CCSER1: variants seen among roughly 807,000 people sequenced by gnomAD.
CCSER1 encodes the protein coiled-coil serine rich protein 1, also known as serine-rich coiled-coil domain-containing protein 1.
A neutral mutation model predicts 82.0 loss-of-function variants in CCSER1; 41 were observed. The ratio of observed to expected loss-of-function variants is 0.50; its 90% CI spans 0.39 to 0.65. CCSER1 has a LOEUF of 0.65. CCSER1 is among the 30% of genes least tolerant of loss of function. The pLI is 0.00. For missense variants in CCSER1, 1,119 were observed against 1,064.2 expected (o/e 1.05, Z -0.72); for synonymous variants, 414 against 383.9 (o/e 1.08, Z -0.92).
chr4:90,284,791 C>G (rs1339500351), intron 1 of CCSER1, among the ~76,000 whole-genome samples: 7 of 151,892 alleles, frequency 4.6e-5, no homozygotes, highest in African/African-American at 1.7e-4. Flanking sequence ...CTGTGCCTGG[C>G]CTTGAGTTGA....
chr4:90,866,834 G>A (rs1342671005), intron 8 of CCSER1, among the ~76,000 whole-genome samples: 1 of 151,978 alleles, frequency 6.6e-6, no homozygotes, highest in Non-Finnish European at 1.5e-5. Flanking sequence ...TCAGGCATTA[G>A]ATTCTCATAA....
intron 8 of CCSER1, among the ~76,000 whole-genome samples, chr4:90,863,109 T>C (rs374029658): frequency 3.3e-5 from 5 of 150,474 alleles, no homozygotes; most frequent in South Asian, 4.2e-4. Flanking sequence ...CCCACAACAG[T>C]CCCCAGAGTG....
intron 6 of CCSER1, among the ~76,000 whole-genome samples, chr4:90,670,363 G>T (rs1567930): frequency 1.3e-5 from 2 of 151,826 alleles, no homozygotes; most frequent in African/African-American, 2.4e-5. Context: ...GAAAGTTCAG[G>T]GGAATTCACT....
intron 10 of CCSER1, among the ~76,000 whole-genome samples, chr4:91,576,328 A>G (rs1042386027): frequency 2.0e-5 from 3 of 152,130 alleles, no homozygotes; most frequent in East Asian, 1.9e-4. Context: ...AATATCATCT[A>G]TATGTAAAAT....
chr4:90,990,701 A>G (rs542882270), intron 9 of CCSER1, among the ~76,000 whole-genome samples: 3 of 151,914 alleles, frequency 2.0e-5, no homozygotes, highest in Non-Finnish European at 4.4e-5. Context: ...AGTACAATAC[A>G]TTCCCTGGGT....
intron 5 of CCSER1, among the ~76,000 whole-genome samples, chr4:90,539,115 A>G (rs1245947213): frequency 6.6e-6 from 1 of 152,074 alleles, no homozygotes; most frequent in African/African-American, 2.4e-5. Flanking sequence ...AAAGGTACGT[A>G]AACTTATTAT....
intron 9 of CCSER1, among the ~76,000 whole-genome samples, chr4:91,004,924 C>T (rs147927049): frequency 8.7e-4 from 132 of 152,194 alleles, no homozygotes; most frequent in Non-Finnish European, 1.6e-3. Flanking sequence ...CAGGTCTTGC[C>T]TCTAAGACCT....
intron 10 of CCSER1, among the ~76,000 whole-genome samples, chr4:91,152,850 ACT>A (rs1050876987): frequency 1.1e-4 from 16 of 151,614 alleles, no homozygotes; most frequent in African/African-American, 3.6e-4. Flanking sequence ...ATTAGCCCCC[ACT>A]CTCTTCTGGC....
At chr4:90,450,096 A>G (rs140754110) in intron 4 of CCSER1, among the ~76,000 whole-genome samples, 1 of 152,202 alleles carries the variant, frequency 6.6e-6, no homozygotes, top group African/African-American at 2.4e-5. Flanking sequence ...TCGTGCTGAC[A>G]AGGGACATTG....
At chr4:91,353,763 A>G (rs1409893418) in intron 10 of CCSER1, among the ~76,000 whole-genome samples, 1 of 152,132 alleles carries the variant, frequency 6.6e-6, no homozygotes, top group Non-Finnish European at 1.5e-5. Context: ...TCATTTGGAG[A>G]AATACAGGTA....
At chr4:90,750,467 G>C (rs1045054183) in intron 7 of CCSER1, among the ~76,000 whole-genome samples, 1 of 152,018 alleles carries the variant, frequency 6.6e-6, no homozygotes, top group African/African-American at 2.4e-5. Flanking sequence ...AGTAAATGTG[G>C]GGTTGTTTGA....
At chr4:90,871,693 C>T (rs1766521361) in intron 8 of CCSER1, among the ~76,000 whole-genome samples, 1 of 151,644 alleles carries the variant, frequency 6.6e-6, no homozygotes, top group South Asian at 2.1e-4. Context: ...GGTCTATAGT[C>T]CAGATTAAGT....
Position 90,648,284 on chromosome 4 carries a change from GGAAAGAAAGAAAGAAAGAAA to G in CCSER1, c.1932+20091_1932+20110del, listed in dbSNP as rs564907502. ...AGAAAGAAAGAGAGAGAGAAAGAAA[GGAAAGAAAGAAAGAAAGAAA>G]GAAAGAAAGAAAGAAAGAAAGAAAG... On this transcript the variant is annotated intron_variant, in intron 6 of 10. Coordinates refer to ENST00000509176, the MANE Select transcript of CCSER1 (RefSeq NM_001145065.2). Among the ~76,000 whole-genome samples the G allele has an allele frequency of 1.8e-4, 16 of 89,956 alleles. No homozygotes were observed. In the South Asian group the frequency reaches 1.9e-3, roughly 10 times the overall value. 59.0% of individuals were successfully genotyped at this position (89,956 alleles called of 152,430 possible).
rs187144539 is a variant in CCSER1, at chr4:90,301,367, T to C, written c.-41-6877T>C. 3.3e-5 allele frequency among the ~76,000 whole-genome samples: 5 copies of C among 152,278 alleles called. No homozygotes were observed. The East Asian group carries it at 7.7e-4, about 24-fold the overall frequency. On this transcript the variant is annotated intron_variant, in intron 1 of 10. Transcript: ENST00000509176. ...GTGTTTACTAAAGTTGGAGAGGTCATTGAATAAAGTACTGTACTTTCTGGA... is the reference window on the plus strand; with the variant it reads ...GTGTTTACTAAAGTTGGAGAGGTCACTGAATAAAGTACTGTACTTTCTGGA...
At chr4:91,015,048 A>G (rs1284275388) in intron 9 of CCSER1, among the ~76,000 whole-genome samples, 1 of 148,464 alleles carries the variant, frequency 6.7e-6, no homozygotes, top group Non-Finnish European at 1.5e-5. Flanking sequence ...GGCCCAAAAT[A>G]AAGCACTTGC....
Position 91,599,088 on chromosome 4 carries a change from G to C in CCSER1, c.*31G>C. 1 of 1,489,724 alleles carries C rather than the reference G, an allele frequency of 6.7e-7. No individual in the cohort carries two copies. The highest frequency in any genetic ancestry group is 1.3e-5 in the South Asian group (1 of 75,534). 92.3% of individuals were successfully genotyped at this position (1,489,724 alleles called of 1,614,324 possible). On this transcript the variant is annotated 3_prime_UTR_variant, in exon 11 of 11. Coordinates refer to ENST00000509176, the MANE Select transcript of CCSER1 (RefSeq NM_001145065.2). ...TCACCGTATTCCTGTCTTTGGGTAGGATAAAGATGGTTAGTGTTTCTCGTG... is the reference window on the plus strand; with the variant it reads ...TCACCGTATTCCTGTCTTTGGGTAGCATAAAGATGGTTAGTGTTTCTCGTG...
At chr4:90,151,052 T>G (rs1560695454) in intron 1 of CCSER1, among the ~76,000 whole-genome samples, 1 of 152,102 alleles carries the variant, frequency 6.6e-6, no homozygotes, top group East Asian at 1.9e-4. Flanking sequence ...ACTTGCTTGG[T>G]TGATTAGCAT....
At chr4:90,484,290 T>C (rs1766609777) in intron 5 of CCSER1, among the ~76,000 whole-genome samples, 1 of 152,076 alleles carries the variant, frequency 6.6e-6, no homozygotes, top group Admixed American at 6.6e-5. Context: ...TTTTTCAAAG[T>C]TTTTAACTTA....
intron 10 of CCSER1, among the ~76,000 whole-genome samples, chr4:91,363,222 A>C (rs943727030): frequency 6.6e-6 from 1 of 151,856 alleles, no homozygotes; most frequent in Admixed American, 6.6e-5. Flanking sequence ...AATGCTTTTG[A>C]GTTACAAGTC....
Sources: allele counts gnomAD v4.1 joint callset (sites outside exome capture counted in the v4.1 genomes callset), GRCh38; gene constraint gnomAD v4.1.1; transcripts MANE v1.5; gene names NCBI Gene and HGNC (gene_info 2026-07-23, HGNC 2026-07-21).